Variants in RYR2 observed in about 807,000 individuals in gnomAD.
RYR2 encodes the protein cardiac muscle ryanodine receptor-calcium release channel.
RYR2 carries 227 observed loss-of-function variants against 601.1 expected under a neutral mutation model. That is an observed-to-expected ratio of 0.38 (90% CI 0.34 to 0.42). The LOEUF (loss-of-function observed/expected upper bound fraction) is 0.42, where lower values mean the gene tolerates loss of function less well. RYR2 is among the 10% of genes least tolerant of loss of function. The pLI, the probability that RYR2 is intolerant of heterozygous loss-of-function variation, is 1.00. For synonymous variants in RYR2, 2,223 were observed against 2,175.1 expected (o/e 1.02, Z -0.61); for missense variants, 4,646 against 6,156.5 (o/e 0.75, Z 8.21).
intron 1 of RYR2, among the ~76,000 whole-genome samples, chr1:237,105,187 A>G (rs1478915990): frequency 6.6e-6 from 1 of 152,174 alleles, no homozygotes; most frequent in African/African-American, 2.4e-5. Flanking sequence ...TTTATTGAGC[A>G]CCGACTGTAT....
intron 1 of RYR2, among the ~76,000 whole-genome samples, chr1:237,200,817 T>A (rs942641093): frequency 6.6e-6 from 1 of 152,204 alleles, no homozygotes. Flanking sequence ...GAATTTGGTT[T>A]AAAGGAACCT....
At chr1:237,468,342 A>T (rs886084755) in intron 16 of RYR2, among the ~76,000 whole-genome samples, 1 of 152,212 alleles carries the variant, frequency 6.6e-6, no homozygotes, top group African/African-American at 2.4e-5. Context: ...TGAAAAATTA[A>T]AAGTTTAAAA....
chr1:237,257,994 T>C (rs1413948795), intron 1 of RYR2, among the ~76,000 whole-genome samples: 1 of 151,544 alleles, frequency 6.6e-6, no homozygotes, highest in African/African-American at 2.4e-5. Flanking sequence ...TGAAACCCTG[T>C]CTCTACTAAA....
intron 1 of RYR2, among the ~76,000 whole-genome samples, chr1:237,111,781 C>T (rs1487541951): frequency 6.6e-6 from 1 of 152,140 alleles, no homozygotes; most frequent in Non-Finnish European, 1.5e-5. Context: ...GGAGGTCAGA[C>T]AAACCTGTCT....
At chr1:237,226,335 T>C (rs1030585518) in intron 1 of RYR2, among the ~76,000 whole-genome samples, 1 of 152,198 alleles carries the variant, frequency 6.6e-6, no homozygotes, top group Non-Finnish European at 1.5e-5. Flanking sequence ...TTCCTTTCCA[T>C]GTCTTTGAAG....
chr1:237,631,190 A>T (rs1680208463), intron 41 of RYR2, among the ~76,000 whole-genome samples: 2 of 152,212 alleles, frequency 1.3e-5, no homozygotes, highest in African/African-American at 2.4e-5. Flanking sequence ...AACTGTTTAC[A>T]TTTTTACTAT....
At chr1:237,082,626 A>C (rs976492613) in intron 1 of RYR2, among the ~76,000 whole-genome samples, 1 of 147,602 alleles carries the variant, frequency 6.8e-6, no homozygotes, top group South Asian at 2.1e-4. Flanking sequence ...TCTGTTTCCA[A>C]GTTCTCAGTA....
intron 1 of RYR2, among the ~76,000 whole-genome samples, chr1:237,265,830 GATGGATTGGAAAAGTGTT>G (rs954402751): frequency 6.6e-6 from 1 of 152,194 alleles, no homozygotes; most frequent in African/African-American, 2.4e-5. Context: ...GTGAGAAATT[GATGGATTGGAAAAGTGTT>G]GATGGAGTAG....
At chr1:237,142,836 C>T (rs1168483411) in intron 1 of RYR2, among the ~76,000 whole-genome samples, 1 of 152,060 alleles carries the variant, frequency 6.6e-6, no homozygotes, top group Non-Finnish European at 1.5e-5. Context: ...CCAGAGGTAT[C>T]ATTACCTCTC....
intron 1 of RYR2, among the ~76,000 whole-genome samples, chr1:237,242,980 C>A (rs1049044248): frequency 2.6e-5 from 4 of 152,156 alleles, no homozygotes; most frequent in African/African-American, 9.6e-5. Flanking sequence ...GCAAACTCTG[C>A]CATTATAACT....
chr1:237,744,634 C>T (rs149830385), intron 80 of RYR2, among the ~76,000 whole-genome samples: 1 of 150,504 alleles, frequency 6.6e-6, no homozygotes, highest in Non-Finnish European at 1.5e-5. Flanking sequence ...CCAGCCTGGG[C>T]GACAAGAGTG....
chr1:237,652,408 T>C (rs1471097108), intron 51 of RYR2, among the ~76,000 whole-genome samples: 2 of 152,164 alleles, frequency 1.3e-5, no homozygotes, highest in Non-Finnish European at 2.9e-5. Context: ...GCATCAAAGT[T>C]ATATAGTAAT....
At chr1:237,441,189 G>A in intron 12 of RYR2, 130 bp from the exon 13 acceptor site, 1 of 752,454 alleles carries the variant, frequency 1.3e-6, no homozygotes, top group Non-Finnish European at 2.2e-6. Context: ...AAAATATTTG[G>A]CCATTATTTC....
intron 29 of RYR2, among the ~76,000 whole-genome samples, chr1:237,583,419 T>C (rs1674153079): frequency 6.6e-6 from 1 of 152,180 alleles, no homozygotes; most frequent in African/African-American, 2.4e-5. Context: ...TAGCATCCAT[T>C]TAACTACCTA....
intron 51 of RYR2, among the ~76,000 whole-genome samples, chr1:237,653,861 A>G (rs1402815547): frequency 1.3e-5 from 2 of 152,172 alleles, no homozygotes; most frequent in Non-Finnish European, 2.9e-5. Flanking sequence ...GGCAGGAAGC[A>G]CCCAGCACGG....
chr1:237,402,388 TAAAA>T (rs759222041), intron 10 of RYR2, among the ~76,000 whole-genome samples: 3 of 141,140 alleles, frequency 2.1e-5, no homozygotes, highest in African/African-American at 7.8e-5. Context: ...CCCTATCTCT[TAAAA>T]AAAAAAGAAA....
chr1:237,533,260 A>C (rs1668301139), intron 25 of RYR2, among the ~76,000 whole-genome samples: 3 of 152,170 alleles, frequency 2.0e-5, no homozygotes. Flanking sequence ...ATTGACAAAA[A>C]TCTTCATAAT....
intron 88 of RYR2, among the ~76,000 whole-genome samples, chr1:237,779,695 G>C (rs1335033398): frequency 6.6e-6 from 1 of 152,132 alleles, no homozygotes; most frequent in Non-Finnish European, 1.5e-5. Context: ...AAGTGGTAAG[G>C]ATACATCTTA....
intron 25 of RYR2, among the ~76,000 whole-genome samples, chr1:237,535,619 A>C (rs954831379): frequency 1.3e-5 from 2 of 152,148 alleles, no homozygotes; most frequent in African/African-American, 4.8e-5. Context: ...TTTTCATATC[A>C]AAGCCCAGAT....
Sources: allele counts gnomAD v4.1 joint callset (sites outside exome capture counted in the v4.1 genomes callset), GRCh38; gene constraint gnomAD v4.1.1; transcripts MANE v1.5; gene names NCBI Gene and HGNC (gene_info 2026-07-23, HGNC 2026-07-21).